Variants in SBF2 observed in about 807,000 individuals in gnomAD.
The protein encoded by SBF2 is SET binding factor 2, also known as myotubularin-related protein 13.
In SBF2, 112 loss-of-function variants were observed where a neutral mutation model predicts 225.2. That is an observed-to-expected ratio of 0.50 (90% CI 0.43 to 0.58). SBF2 has a LOEUF of 0.58. SBF2 is among the 20% of genes least tolerant of loss of function. The pLI, the probability that SBF2 is intolerant of heterozygous loss-of-function variation, is 0.00. For missense variants in SBF2, 1,996 were observed against 2,206.2 expected (o/e 0.90, Z 1.91); for synonymous variants, 763 against 773.3 (o/e 0.99, Z 0.22).
chr11:9,987,658 C>A (rs1947258506), intron 13 of SBF2, among the ~76,000 whole-genome samples: 3 of 152,016 alleles, frequency 2.0e-5, no homozygotes, highest in Admixed American at 2.0e-4. Flanking sequence ...AAGAACTCAA[C>A]CCCTTTACAA....
intron 38 of SBF2, among the ~76,000 whole-genome samples, chr11:9,782,011 C>T (rs1292535561): frequency 1.3e-5 from 2 of 151,618 alleles, no homozygotes; most frequent in Non-Finnish European, 2.9e-5. Flanking sequence ...ATGGTGAAAC[C>T]CCGTCTCTAC....
chr11:9,912,239 G>T (rs145014403), intron 16 of SBF2, among the ~76,000 whole-genome samples: 23 of 143,606 alleles, frequency 1.6e-4, no homozygotes, highest in African/African-American at 5.8e-4. Flanking sequence ...TTGAACCTGG[G>T]ATGCGGAGGT....
intron 17 of SBF2, among the ~76,000 whole-genome samples, chr11:9,861,294 AAGG>A (rs1390097128): frequency 7.2e-5 from 11 of 152,198 alleles, no homozygotes; most frequent in Non-Finnish European, 5.9e-5. Flanking sequence ...TCCTGGGCTT[AAGG>A]GATTCTCCCG....
At chr11:10,096,713 C>T (rs992063009) in intron 2 of SBF2, among the ~76,000 whole-genome samples, 7 of 152,100 alleles carry the variant, frequency 4.6e-5, no homozygotes, top group Admixed American at 4.6e-4. Context: ...TCAAAAGGCA[C>T]CTCAATAGTA....
rs184009979 is a variant in SBF2, at chr11:9,990,949, C to T, written c.1297-1354G>A. Among the ~76,000 whole-genome samples, 56 of 152,128 alleles carry T rather than the reference C, an allele frequency of 3.7e-4. 1 individual carries two copies. In the East Asian group the frequency reaches 9.8e-3, roughly 27 times the overall value. On this transcript the variant is annotated intron_variant, in intron 12 of 39. Coordinates refer to ENST00000256190, the MANE Select transcript of SBF2 (RefSeq NM_030962.4). ...GAGGCTGTGGCAAGCAAGTTTTCTG[C>T]AAGTAACTAATCTCACTTTTTAGTT...
intron 13 of SBF2, among the ~76,000 whole-genome samples, chr11:9,973,682 C>A (rs1322110996): frequency 6.6e-6 from 1 of 152,132 alleles, no homozygotes; most frequent in African/African-American, 2.4e-5. Context: ...GCACGCCCAG[C>A]TACCCCCAGC....
intron 4 of SBF2, among the ~76,000 whole-genome samples, chr11:10,030,116 G>C (rs1258541362): frequency 6.6e-6 from 1 of 152,172 alleles, no homozygotes; most frequent in Admixed American, 6.5e-5. Flanking sequence ...TAAAACAGAT[G>C]TTTGTGCTCT....
intron 17 of SBF2, among the ~76,000 whole-genome samples, chr11:9,864,809 C>A (rs568013974): frequency 6.6e-6 from 1 of 152,164 alleles, no homozygotes; most frequent in Non-Finnish European, 1.5e-5. Flanking sequence ...TGGTAGACAT[C>A]AAATCCAAGA....
intron 2 of SBF2, among the ~76,000 whole-genome samples, chr11:10,176,784 C>T (rs1170732414): frequency 6.6e-6 from 1 of 152,184 alleles, no homozygotes; most frequent in East Asian, 1.9e-4. Context: ...TGGTACCAAT[C>T]CCTCTGAAAC....
intron 1 of SBF2, chr11:10,272,256 A>T: frequency 9.6e-7 from 1 of 1,039,034 alleles, no homozygotes; most frequent in South Asian, 1.6e-5. Context: ...GCCCCGGAGG[A>T]CATGGCGGCG....
intron 2 of SBF2, among the ~76,000 whole-genome samples, chr11:10,157,586 A>T (rs1955536898): frequency 6.6e-6 from 1 of 152,322 alleles, no homozygotes; most frequent in Admixed American, 6.5e-5. Flanking sequence ...AAACAACCCC[A>T]TAATAAGATG....
chr11:10,151,508 CG>C (rs955283639), intron 2 of SBF2, among the ~76,000 whole-genome samples: 3 of 152,126 alleles, frequency 2.0e-5, no homozygotes, highest in African/African-American at 7.2e-5. Context: ...CCTTATAGAT[CG>C]CAAAGTATAC....
At chr11:9,876,734 G>A (rs1049701124) in intron 17 of SBF2, among the ~76,000 whole-genome samples, 1 of 152,124 alleles carries the variant, frequency 6.6e-6, no homozygotes, top group African/African-American at 2.4e-5. Flanking sequence ...ACTATCTTAA[G>A]TAGAACTTTG....
intron 5 of SBF2, among the ~76,000 whole-genome samples, chr11:10,029,338 G>A (rs1949166047): frequency 6.6e-6 from 1 of 152,158 alleles, no homozygotes; most frequent in African/African-American, 2.4e-5. Flanking sequence ...ACAAAGAACT[G>A]TGTTGAGAGT....
intron 2 of SBF2, among the ~76,000 whole-genome samples, chr11:10,183,583 T>TTTTTGTGTA (rs1389551119): frequency 6.6e-6 from 1 of 152,220 alleles, no homozygotes; most frequent in Non-Finnish European, 1.5e-5. Flanking sequence ...TTCAAGTTAC[T>TTTTTGTGTA]TTTTGTGTAT....
At chr11:10,014,337 T>C (rs1490020261) in intron 6 of SBF2, among the ~76,000 whole-genome samples, 4 of 152,082 alleles carry the variant, frequency 2.6e-5, no homozygotes, top group Admixed American at 6.5e-5. Context: ...GCCATTACTT[T>C]TAATTCCATT....
chr11:10,101,594 T>G (rs957654848), intron 2 of SBF2, among the ~76,000 whole-genome samples: 1 of 151,998 alleles, frequency 6.6e-6, no homozygotes, highest in Non-Finnish European at 1.5e-5. Flanking sequence ...AAACCTGGTA[T>G]GCCGGCAAAA....
At chr11:9,977,933 GGAAAT>G (rs1946775789) in intron 13 of SBF2, among the ~76,000 whole-genome samples, 1 of 152,048 alleles carries the variant, frequency 6.6e-6, no homozygotes, top group African/African-American at 2.4e-5. Flanking sequence ...TGCTTCAAAG[GGAAAT>G]GAAAAGAGGG....
At chr11:10,081,197 A>T (rs7938932) in intron 2 of SBF2, among the ~76,000 whole-genome samples, 9,130 of 152,230 alleles carry the variant, frequency 0.06, 485 homozygotes, top group East Asian at 0.28. Context: ...AATAAATTTT[A>T]AAAAAATCTC....
Sources: gnomAD v4.1 joint callset for allele counts (sites outside exome capture counted in the v4.1 genomes callset) on GRCh38, gnomAD v4.1.1 for gene constraint, MANE v1.5 for transcripts, NCBI Gene and HGNC (gene_info 2026-07-23, HGNC 2026-07-21) for gene names.